Variants in CNTNAP2 observed in about 807,000 individuals in gnomAD.
CNTNAP2 encodes contactin associated protein 2.
Under a neutral mutation model 155.2 loss-of-function variants are expected in CNTNAP2, and 98 were observed. The observed-to-expected ratio is 0.63, with a 90% CI of 0.54 to 0.75. CNTNAP2 has a LOEUF of 0.75. CNTNAP2 is among the 30% of genes least tolerant of loss of function. CNTNAP2 has a pLI of 0.00. For synonymous variants in CNTNAP2, 651 were observed against 631.2 expected, an observed-to-expected ratio of 1.03 and a Z score of -0.47; for missense variants, 1,727 against 1,688.1, an observed-to-expected ratio of 1.02 and a Z score of -0.40.
At chr7:147,942,369 A>G (rs1251832139) in intron 14 of CNTNAP2, among the ~76,000 whole-genome samples, 6 of 152,170 alleles carry the variant, frequency 3.9e-5, no homozygotes, top group Non-Finnish European at 7.4e-5. Context: ...CTTTCATCCT[A>G]CAGCAAATCA....
intron 1 of CNTNAP2, among the ~76,000 whole-genome samples, chr7:146,559,594 T>G (rs905385382): frequency 2.0e-5 from 3 of 151,838 alleles, no homozygotes; most frequent in Non-Finnish European, 2.9e-5. Flanking sequence ...AAAATAAAAA[T>G]AAAAAGAAAC....
intron 20 of CNTNAP2, among the ~76,000 whole-genome samples, chr7:148,241,717 G>A (rs1180980735): frequency 6.6e-6 from 1 of 152,150 alleles, no homozygotes; most frequent in Non-Finnish European, 1.5e-5. Flanking sequence ...CAGAAAATAT[G>A]TTAAGAAAAT....
At chr7:146,481,755 A>G (rs1054865801) in intron 1 of CNTNAP2, among the ~76,000 whole-genome samples, 1 of 152,160 alleles carries the variant, frequency 6.6e-6, no homozygotes, top group Non-Finnish European at 1.5e-5. Flanking sequence ...CTGGAATTAC[A>G]CTCTTAAATA....
At chr7:147,118,396 C>T (rs997271488) in intron 5 of CNTNAP2, among the ~76,000 whole-genome samples, 6 of 152,120 alleles carry the variant, frequency 3.9e-5, no homozygotes, top group Non-Finnish European at 8.8e-5. Flanking sequence ...AAATTAAACA[C>T]ATAGAAATAT....
Position 147,513,880 on chromosome 7 carries a change from C to G in CNTNAP2, c.1777+27839C>G, listed in dbSNP as rs146945542. ...GAGATAAGAAATTATCAGACAAGAACAGGATCAGACCTGGATTTTTCTGTT... is the reference window on the plus strand; with the variant it reads ...GAGATAAGAAATTATCAGACAAGAAGAGGATCAGACCTGGATTTTTCTGTT... On this transcript the variant is annotated intron_variant, in intron 11 of 23. Transcript: ENST00000361727. 2.8e-4 allele frequency among the ~76,000 whole-genome samples: 42 copies of G among 152,342 alleles called. No homozygotes were observed. The East Asian group carries it at 6.0e-3, about 22-fold the overall frequency.
chr7:146,972,696 T>A (rs1048233239), intron 3 of CNTNAP2, among the ~76,000 whole-genome samples: 14 of 152,198 alleles, frequency 9.2e-5, no homozygotes, highest in African/African-American at 2.9e-4. Flanking sequence ...AGCTTAGTTA[T>A]AAAGAGAAGT....
intron 11 of CNTNAP2, among the ~76,000 whole-genome samples, chr7:147,550,710 T>A (rs1799834815): frequency 6.6e-6 from 1 of 152,168 alleles, no homozygotes; most frequent in East Asian, 1.9e-4. Flanking sequence ...GGAAAGACAA[T>A]GCCAGGCAAC....
chr7:146,924,316 C>G (rs376710857), intron 3 of CNTNAP2, among the ~76,000 whole-genome samples: 1 of 152,106 alleles, frequency 6.6e-6, no homozygotes, highest in Non-Finnish European at 1.5e-5. Flanking sequence ...CACCACAGAT[C>G]AGTTTCACTG....
chr7:147,961,007 T>C (rs2708278), intron 14 of CNTNAP2, among the ~76,000 whole-genome samples: 84,729 of 151,964 alleles, frequency 0.56, 24,158 homozygotes, highest in Middle Eastern at 0.76. Flanking sequence ...GGTAATTGCA[T>C]ATAGATTAGA....
At chr7:147,849,470 G>A (rs1349365622) in intron 13 of CNTNAP2, among the ~76,000 whole-genome samples, 3 of 152,184 alleles carry the variant, frequency 2.0e-5, no homozygotes, top group Non-Finnish European at 2.9e-5. Context: ...CCTCATCTGA[G>A]GTCATCTTAT....
At chr7:147,584,004 C>G (rs192618709) in intron 12 of CNTNAP2, among the ~76,000 whole-genome samples, 1 of 152,066 alleles carries the variant, frequency 6.6e-6, no homozygotes, top group Non-Finnish European at 1.5e-5. Context: ...AGAGGCTCAA[C>G]CTTTTTAAGA....
chr7:148,110,426 T>C (rs1033575605), intron 15 of CNTNAP2, among the ~76,000 whole-genome samples: 7 of 151,858 alleles, frequency 4.6e-5, no homozygotes, highest in Non-Finnish European at 7.4e-5. Flanking sequence ...CTTCCTGTCA[T>C]CACTCCCACC....
At chr7:146,773,076 A>G (rs1331435237) in intron 1 of CNTNAP2, among the ~76,000 whole-genome samples, 2 of 152,082 alleles carry the variant, frequency 1.3e-5, no homozygotes, top group African/African-American at 4.8e-5. Flanking sequence ...CCTCCATGCC[A>G]TTTCCCAGAG....
intron 2 of CNTNAP2, among the ~76,000 whole-genome samples, chr7:146,792,250 CA>C (rs550596893): frequency 1.5e-4 from 22 of 146,092 alleles, no homozygotes; most frequent in African/African-American, 3.3e-4. Flanking sequence ...CATCTTATAT[CA>C]AAAAAAAAGA....
chr7:147,307,954 T>A (rs1245980939), intron 9 of CNTNAP2, among the ~76,000 whole-genome samples: 3 of 152,216 alleles, frequency 2.0e-5, no homozygotes, highest in Non-Finnish European at 2.9e-5. Flanking sequence ...CTTGGAAGAT[T>A]ACATTCTAGG....
At chr7:147,983,538 G>C (rs1801569107) in intron 15 of CNTNAP2, among the ~76,000 whole-genome samples, 1 of 152,178 alleles carries the variant, frequency 6.6e-6, no homozygotes, top group Non-Finnish European at 1.5e-5. Flanking sequence ...CAAGGTACAG[G>C]CTCAAGAGGT....
At chr7:146,200,304 G>T (rs1359040144) in intron 1 of CNTNAP2, among the ~76,000 whole-genome samples, 1 of 151,986 alleles carries the variant, frequency 6.6e-6, no homozygotes, top group African/African-American at 2.4e-5. Flanking sequence ...AACCATCCTG[G>T]CCCACATGGT....
At chr7:148,331,568 G>A (rs1427334008) in intron 21 of CNTNAP2, among the ~76,000 whole-genome samples, 76 of 6,810 alleles carry the variant, frequency 0.011, no homozygotes, top group African/African-American at 0.032. Context: ...GACGGATGGA[G>A]TGGATGGATG....
rs116767865 is a variant in CNTNAP2, at chr7:148,327,237, C to A, written c.3476-56412C>A. 2.2e-3 allele frequency among the ~76,000 whole-genome samples: 329 copies of A among 152,270 alleles called. 2 individuals are homozygous for A. The highest frequency in any genetic ancestry group is 7.6e-3 in the African/African-American group (317 of 41,542). On this transcript the variant is annotated intron_variant, in intron 21 of 23. Transcript: ENST00000361727. ...CCTGCAGGGGACTGACCCTGGTGGACGCCTGAGTCTATGTGCCACCATCTA... is the reference window on the plus strand; with the variant it reads ...CCTGCAGGGGACTGACCCTGGTGGAAGCCTGAGTCTATGTGCCACCATCTA...
Sources: gnomAD v4.1 joint callset for allele counts (sites outside exome capture counted in the v4.1 genomes callset) on GRCh38, gnomAD v4.1.1 for gene constraint, MANE v1.5 for transcripts, NCBI Gene and HGNC (gene_info 2026-07-23, HGNC 2026-07-21) for gene names.